Variants in GLYATL1 observed in about 807,000 individuals in gnomAD.
GLYATL1 encodes the protein glycine N-acyltransferase-like protein 1.
In GLYATL1, 15 loss-of-function variants were observed where a neutral mutation model predicts 20.0. That is an observed-to-expected ratio of 0.75 (90% confidence interval 0.50 to 1.15). The LOEUF is 1.15. GLYATL1 is among the 50% of genes most tolerant of loss of function. GLYATL1 has a pLI of 0.00. For synonymous variants in GLYATL1, 151 were observed against 131.5 expected, an observed-to-expected ratio of 1.15 and a Z score of -1.01; for missense variants, 380 against 368.5, an observed-to-expected ratio of 1.03 and a Z score of -0.26.
chr11:58,929,131 C>T (rs1006496961), intron 1 of GLYATL1, among the ~76,000 whole-genome samples: 3 of 152,244 alleles, frequency 2.0e-5, no homozygotes, highest in African/African-American at 7.2e-5. Context: ...TGAATCCCAA[C>T]AATCCAGCAC....
At chr11:58,917,990 C>T (rs530770432) in intron 1 of GLYATL1, among the ~76,000 whole-genome samples, 22 of 152,314 alleles carry the variant, frequency 1.4e-4, no homozygotes, top group African/African-American at 5.1e-4. Context: ...TTTCCTGCCT[C>T]ATTTCCCCCC....
chr11:58,921,894 G>A (rs553923303), intron 1 of GLYATL1, among the ~76,000 whole-genome samples: 37 of 152,244 alleles, frequency 2.4e-4, no homozygotes, highest in Non-Finnish European at 4.6e-4. Context: ...TATTCACCAC[G>A]CGCTGATTTT....
chr11:58,931,224 G>A (rs538693892), intron 1 of GLYATL1, among the ~76,000 whole-genome samples: 14 of 152,102 alleles, frequency 9.2e-5, no homozygotes, highest in South Asian at 4.1e-4. Context: ...GGGTCTTTGC[G>A]TCATCTTCCC....
At chr11:58,906,681 T>C (rs1590762820) in intron 1 of GLYATL1, among the ~76,000 whole-genome samples, 1 of 152,146 alleles carries the variant, frequency 6.6e-6, no homozygotes, top group Non-Finnish European at 1.5e-5. Flanking sequence ...CAAAGATTCA[T>C]GTTAGGGTAG....
chr11:58,909,245 G>A (rs1375118912), downstream of GLYATL1, among the ~76,000 whole-genome samples: 2 of 152,150 alleles, frequency 1.3e-5, no homozygotes, highest in Non-Finnish European at 2.9e-5. Flanking sequence ...TGGGAAGAGA[G>A]GAAAACAGAG....
At chr11:58,927,077 A>C (rs1179528121), upstream of GLYATL1, among the ~76,000 whole-genome samples, 5 of 152,210 alleles carry the variant, frequency 3.3e-5, no homozygotes, top group Non-Finnish European at 5.9e-5. Flanking sequence ...TCACCTTTTA[A>C]TTGAACAAAT....
chr11:58,946,719 A>T, intron 2 of GLYATL1: 1 of 337,358 alleles, frequency 3.0e-6, no homozygotes, highest in South Asian at 3.2e-5. Context: ...AAATACAGGA[A>T]AAAACTTATG....
Position 58,956,320 on chromosome 11 carries a change from A to T in GLYATL1, c.*293A>T. ...CCAGGCTCAGTTCTTACCTCTGGGA[A>T]TCAGAACTCTTTATGCAACTTGGTT... On this transcript the variant is annotated 3_prime_UTR_variant, in exon 7 of 7. Transcript: ENST00000532726. 1 of 362,202 alleles carries T rather than the reference A, an allele frequency of 2.8e-6. No individual in the cohort carries two copies. The highest frequency in any genetic ancestry group is 7.6e-5 in the South Asian group (1 of 13,244). 22.4% of individuals were successfully genotyped at this position (362,202 alleles called of 1,614,324 possible).
downstream of GLYATL1, among the ~76,000 whole-genome samples, chr11:58,908,915 G>A (rs936647057): frequency 6.6e-6 from 1 of 152,094 alleles, no homozygotes; most frequent in African/African-American, 2.4e-5. Context: ...TTATGCAGTA[G>A]GTAATATTAT....
chr11:58,946,902 G>C, intron 2 of GLYATL1, 144 bp from the exon 3 acceptor site: 2 of 692,148 alleles, frequency 2.9e-6, no homozygotes, highest in African/African-American at 3.6e-5. Context: ...AATTTACTTA[G>C]TCCCTCTGAG....
At chr11:58,939,942 C>T (rs868569930) in intron 1 of GLYATL1, among the ~76,000 whole-genome samples, 17 of 152,280 alleles carry the variant, frequency 1.1e-4, no homozygotes, top group South Asian at 1.0e-3. Context: ...AGAGAGGAAT[C>T]ACCCCAACTG....
intron 4 of GLYATL1, among the ~76,000 whole-genome samples, chr11:58,954,107 G>A (rs181502508): frequency 3.7e-4 from 56 of 152,278 alleles, no homozygotes; most frequent in African/African-American, 1.3e-3. Flanking sequence ...GCAAGGTCTC[G>A]TTAGTGTTTA....
At chr11:58,934,240 T>C (rs1565123885) in intron 1 of GLYATL1, 1 of 152,542 alleles carries the variant, frequency 6.6e-6, no homozygotes, top group Non-Finnish European at 1.5e-5. Flanking sequence ...GGAGCCTGAG[T>C]CTTCAGAGAT....
intron 1 of GLYATL1, among the ~76,000 whole-genome samples, chr11:58,918,595 C>T (rs909794168): frequency 2.0e-5 from 3 of 152,214 alleles, no homozygotes; most frequent in Admixed American, 6.5e-5. Flanking sequence ...AGCATTCTTA[C>T]ACCCAGAATG....
chr11:58,926,673 A>T (rs760360918), upstream of GLYATL1, among the ~76,000 whole-genome samples: 2 of 151,248 alleles, frequency 1.3e-5, no homozygotes, highest in African/African-American at 2.5e-5. Context: ...ACTTAAAGGA[A>T]TTTTGATGAT....
At position 58,955,805 on chromosome 11, in the gene GLYATL1, A is replaced by G. The variant is rs759578877; in HGVS notation, c.687A>G (p.Val229=). Residue 229 remains valine (V), a synonymous_variant, in exon 7 of 7, where the codon GTA becomes GTG. Coordinates refer to ENST00000532726, the MANE Select transcript of GLYATL1 (RefSeq NM_001389712.2). ...TAACCATGGACCCTTCTTGTGAAGT[A>G]GGAATGGCCTACAGCATGGAAAAAT... ...SWVTMDPSCE[V]GMAYSMEKYR... 11 of 1,614,232 alleles carry G rather than the reference A, an allele frequency of 6.8e-6. No homozygotes were observed. Among genetic ancestry groups the G allele is most frequent in the Non-Finnish European group, 9.3e-6 (11 of 1,180,046 alleles).
intron 2 of GLYATL1, chr11:58,946,724 C>T (rs1004416048): frequency 5.8e-6 from 2 of 343,202 alleles, no homozygotes; most frequent in Non-Finnish European, 1.1e-5. Flanking sequence ...CAGGAAAAAA[C>T]TTATGATGGT....
intron 3 of GLYATL1, 88 bp downstream of exon 3, chr11:58,947,253 T>C (rs1423841358): frequency 6.6e-7 from 1 of 1,505,868 alleles, no homozygotes. Flanking sequence ...CCTTCCTGAC[T>C]GTTTGCAGAG....
At chr11:58,924,775 G>C (rs1236479649), upstream of GLYATL1, among the ~76,000 whole-genome samples, 2 of 152,276 alleles carry the variant, frequency 1.3e-5, no homozygotes, top group Admixed American at 1.3e-4. Flanking sequence ...TCTTAGTTTG[G>C]TGAGTACTGT....
Sources: gnomAD v4.1 joint callset for allele counts (sites outside exome capture counted in the v4.1 genomes callset) on GRCh38, gnomAD v4.1.1 for gene constraint, MANE v1.5 for transcripts, NCBI Gene and HGNC (gene_info 2026-07-23, HGNC 2026-07-21) for gene names.